UST: variants seen among roughly 807,000 people sequenced by gnomAD.
UST encodes uronyl 2-sulfotransferase.
UST carries 21 observed loss-of-function variants against 45.6 expected under a neutral mutation model. That is an observed-to-expected ratio of 0.46 (90% CI 0.33 to 0.66). The LOEUF is 0.66. Among genes scored for constraint, UST ranks in the 30% least tolerant of loss-of-function variants. The pLI, the probability that UST is intolerant of heterozygous loss-of-function variation, is 0.02. For missense variants in UST, 463 were observed against 512.4 expected (o/e 0.90, Z 0.93); for synonymous variants, 215 against 200.6 (o/e 1.07, Z -0.61).
chr6:148,795,975 T>A (rs535398708), intron 1 of UST, among the ~76,000 whole-genome samples: 1 of 152,340 alleles, frequency 6.6e-6, no homozygotes, highest in Admixed American at 6.5e-5. Flanking sequence ...TATAGTTTAG[T>A]TAATCTTGTT....
At position 148,775,034 on chromosome 6, in the gene UST, A is replaced by T. The variant is rs565125665; in HGVS notation, c.247+27357A>T. On this transcript the variant is annotated intron_variant, in intron 1 of 7. Transcript: ENST00000367463. The stretch of plus-strand genomic sequence containing the variant: ...AGACTTCATCTCAAAGAAAAAAAAA[A>T]GAGTGCATGAAAGAAAAGCTTGTTA... Among the ~76,000 whole-genome samples the T allele has an allele frequency of 2.6e-5, 4 of 152,214 alleles. 1 individual carries two copies. Among genetic ancestry groups the T allele is most frequent in the African/African-American group, 7.2e-5 (3 of 41,510 alleles).
At chr6:149,041,610 C>T (rs2500508) in intron 7 of UST, among the ~76,000 whole-genome samples, 1,833 of 152,330 alleles carry the variant, frequency 0.012, 14 homozygotes, top group Non-Finnish European at 0.017. Context: ...TGGTGACAAT[C>T]TCTGGTCATG....
chr6:148,872,361 A>G (rs1283139925), intron 1 of UST, among the ~76,000 whole-genome samples: 3 of 152,200 alleles, frequency 2.0e-5, no homozygotes, highest in Non-Finnish European at 4.4e-5. Flanking sequence ...TTCATAAAAC[A>G]AAATACAAAA....
intron 3 of UST, among the ~76,000 whole-genome samples, chr6:148,953,535 C>T (rs983954915): frequency 6.6e-6 from 1 of 152,156 alleles, no homozygotes; most frequent in African/African-American, 2.4e-5. Flanking sequence ...GTAATCCCAG[C>T]ACTTTGGGAG....
At chr6:148,824,674 C>CTTTTTTTTTTTTTTTTTTTTTT (rs535345402) in intron 1 of UST, among the ~76,000 whole-genome samples, 1 of 133,378 alleles carries the variant, frequency 7.5e-6, no homozygotes, top group Non-Finnish European at 1.6e-5. Flanking sequence ...TATTTTCTTT[C>CTTTTTTTTTTTTTTTTTTTTTT]TTTTTTTTTT....
At chr6:148,884,873 T>A (rs914050382) in intron 1 of UST, among the ~76,000 whole-genome samples, 1 of 151,974 alleles carries the variant, frequency 6.6e-6, no homozygotes, top group African/African-American at 2.4e-5. Flanking sequence ...ACCTATAGCA[T>A]AGGGGAAAAA....
chr6:148,886,709 G>A (rs879292159), intron 1 of UST, among the ~76,000 whole-genome samples: 7 of 152,172 alleles, frequency 4.6e-5, no homozygotes, highest in Non-Finnish European at 8.8e-5. Flanking sequence ...AGCAGATAAT[G>A]GGTGAGAATA....
chr6:149,026,413 C>A (rs1369757716), intron 7 of UST, among the ~76,000 whole-genome samples: 1 of 152,148 alleles, frequency 6.6e-6, no homozygotes, highest in Non-Finnish European at 1.5e-5. Flanking sequence ...AAGTAAGGGG[C>A]AAGACTCACA....
intron 5 of UST, among the ~76,000 whole-genome samples, chr6:148,970,924 C>G (rs1406828792): frequency 6.6e-6 from 1 of 152,230 alleles, no homozygotes; most frequent in Non-Finnish European, 1.5e-5. Context: ...TGTCCCCTCT[C>G]AAGGTCTGTA....
At chr6:148,766,750 GAT>G (rs1776331907) in intron 1 of UST, among the ~76,000 whole-genome samples, 1 of 152,182 alleles carries the variant, frequency 6.6e-6, no homozygotes, top group Non-Finnish European at 1.5e-5. Context: ...GGAGAATACA[GAT>G]ATGTGTTCAT....
chr6:148,904,626 C>T (rs1387281431), intron 2 of UST, among the ~76,000 whole-genome samples: 8 of 152,180 alleles, frequency 5.3e-5, no homozygotes, highest in Admixed American at 1.3e-4. Flanking sequence ...CAGGTTCAAG[C>T]GATTCTCCTG....
At chr6:148,851,382 AG>A (rs1778102002) in intron 1 of UST, among the ~76,000 whole-genome samples, 1 of 152,240 alleles carries the variant, frequency 6.6e-6, no homozygotes, top group African/African-American at 2.4e-5. Context: ...AAAATTATAA[AG>A]AAAAAAATGC....
intron 5 of UST, among the ~76,000 whole-genome samples, chr6:148,995,261 G>A (rs1162614174): frequency 2.6e-5 from 4 of 152,198 alleles, no homozygotes; most frequent in Admixed American, 1.3e-4. Context: ...GGCCTCAAGT[G>A]ATCCGCCCGC....
intron 1 of UST, among the ~76,000 whole-genome samples, chr6:148,802,747 G>A (rs143387851): frequency 1.3e-5 from 2 of 152,314 alleles, no homozygotes; most frequent in African/African-American, 2.4e-5. Flanking sequence ...AGAGACCAAG[G>A]TGTTCTCAGG....
intron 5 of UST, among the ~76,000 whole-genome samples, chr6:148,988,573 C>CAAA (rs760248567): frequency 1.5e-4 from 13 of 86,770 alleles, no homozygotes; most frequent in Middle Eastern, 7.0e-3. Flanking sequence ...GACCCTGTCT[C>CAAA]AAAAAAAAAA....
At chr6:149,063,299 A>G (rs1256856129) in intron 7 of UST, among the ~76,000 whole-genome samples, 1 of 152,172 alleles carries the variant, frequency 6.6e-6, no homozygotes, top group East Asian at 1.9e-4. Context: ...ATAGCTCAAA[A>G]CCAGTGCCTA....
At chr6:148,973,168 G>A (rs1780952879) in intron 5 of UST, among the ~76,000 whole-genome samples, 1 of 152,190 alleles carries the variant, frequency 6.6e-6, no homozygotes, top group South Asian at 2.1e-4. Flanking sequence ...GCAATATTAT[G>A]TGTTGTATTT....
At chr6:149,058,253 G>A (rs574833754) in intron 7 of UST, among the ~76,000 whole-genome samples, 1 of 152,246 alleles carries the variant, frequency 6.6e-6, no homozygotes, top group Non-Finnish European at 1.5e-5. Flanking sequence ...CAGAGTGACG[G>A]TGTCAGCAAC....
chr6:148,799,287 T>C (rs543710209), intron 1 of UST, among the ~76,000 whole-genome samples: 42 of 152,284 alleles, frequency 2.8e-4, no homozygotes, highest in African/African-American at 9.1e-4. Flanking sequence ...CTAGAAGACT[T>C]CTCTGAGGCG....
Sources: gnomAD v4.1 joint callset for allele counts (sites outside exome capture counted in the v4.1 genomes callset) on GRCh38, gnomAD v4.1.1 for gene constraint, MANE v1.5 for transcripts, NCBI Gene and HGNC (gene_info 2026-07-23, HGNC 2026-07-21) for gene names.